The following NCAPD3 variants were observed in gnomAD, a reference collection of about 807,000 sequenced individuals.
The protein encoded by NCAPD3 is non-SMC condensin II complex subunit D3.
In NCAPD3, 105 loss-of-function variants were observed where a neutral mutation model predicts 182.9. The ratio of observed to expected loss-of-function variants is 0.57; its 90% CI spans 0.49 to 0.68. The LOEUF is 0.68. Among genes scored for constraint, NCAPD3 ranks in the 30% least tolerant of loss-of-function variants. The probability of loss-of-function intolerance (pLI) is 0.00; values close to 1 mark genes in which losing one functional copy is unlikely to be tolerated. For synonymous variants in NCAPD3, 815 were observed against 679.9 expected, an observed-to-expected ratio of 1.20 and a Z score of -3.09; for missense variants, 1,944 against 1,837.0, an observed-to-expected ratio of 1.06 and a Z score of -1.07.
chr11:134,164,136 G>T (rs920042067), intron 27 of NCAPD3, among the ~76,000 whole-genome samples: 1 of 152,154 alleles, frequency 6.6e-6, no homozygotes, highest in Admixed American at 6.5e-5. Context: ...TGGCAATCCA[G>T]GCTAGGAGGA....
chr11:134,204,079 A>G lies in NCAPD3; in HGVS notation c.1182T>C (p.Ile394=), dbSNP rs760766228. The G allele has an allele frequency of 6.2e-7, 1 of 1,614,216 alleles. No homozygotes were observed. The highest frequency in any genetic ancestry group is 8.5e-7 in the Non-Finnish European group (1 of 1,180,032). Residue 394 remains isoleucine (I), a synonymous_variant, in exon 10 of 35, where the codon ATT becomes ATC. Transcript: ENST00000534548. The surrounding 1 kb of genome is among the most constrained non-coding windows in gnomAD (Gnocchi z 4.3). ...KLPCGEYAMF[I]AWLYKYSRSS... ...TTCGGGAGTATTTGTAAAGCCAGGC[A>G]ATGAACATAGCGTATTCCCCACAAG...
intron 15 of NCAPD3, among the ~76,000 whole-genome samples, chr11:134,193,319 C>T (rs1944561686): frequency 6.6e-6 from 1 of 152,150 alleles, no homozygotes; most frequent in African/African-American, 2.4e-5. Flanking sequence ...AACTAGTAAA[C>T]AAAAGTAAAT....
Position 134,177,211 on chromosome 11 carries a change from C to T in NCAPD3, c.3021+8G>A, listed in dbSNP as rs1944189940. On this transcript the variant is annotated splice_region_variant and intron_variant, in intron 23 of 34. Transcript: ENST00000534548. Reference sequence around the variant, plus strand: ...AGGGGAAAGGACAGATTGAACCCCCCTACGCACCTGCAAGAGATTGGTAAG... The same window carrying T: ...AGGGGAAAGGACAGATTGAACCCCCTTACGCACCTGCAAGAGATTGGTAAG... 1.2e-6 allele frequency: 2 copies of T among 1,602,266 alleles called. No homozygotes were observed. Among genetic ancestry groups the T allele is most frequent in the African/African-American group, 2.7e-5 (2 of 74,596 alleles).
chr11:134,169,202 A>C (rs1411317418), intron 24 of NCAPD3, 148 bp from the exon 25 acceptor site: 16 of 717,806 alleles, frequency 2.2e-5, no homozygotes, highest in African/African-American at 1.5e-4. Context: ...CCTCGGATCC[A>C]AAGAAGACAG....
chr11:134,168,335 G>T, intron 26 of NCAPD3, 134 bp downstream of exon 26: 1 of 1,485,408 alleles, frequency 6.7e-7, no homozygotes, highest in Non-Finnish European at 9.3e-7. Flanking sequence ...CACAGCTGAT[G>T]CCAGAGAAGG....
At chr11:134,156,051 G>T (rs1466827832) in intron 32 of NCAPD3, among the ~76,000 whole-genome samples, 1 of 152,236 alleles carries the variant, frequency 6.6e-6, no homozygotes, top group East Asian at 1.9e-4. Context: ...ACACCTTGCT[G>T]CTCTGTTACC....
At chr11:134,163,853 C>T (rs552994725) in intron 27 of NCAPD3, among the ~76,000 whole-genome samples, 18 of 128,358 alleles carry the variant, frequency 1.4e-4, no homozygotes, top group South Asian at 7.2e-4. Flanking sequence ...GCCTGGGCGA[C>T]GCAGTGAGAT....
At chr11:134,159,799 A>T in intron 29 of NCAPD3, 93 bp downstream of exon 29, 17 of 1,350,998 alleles carry the variant, frequency 1.3e-5, no homozygotes, top group Non-Finnish European at 1.7e-5. Context: ...ACCTCTGATG[A>T]CGGAGATCTT....
At position 134,156,778 on chromosome 11, in the gene NCAPD3, C is replaced by T. The variant is rs138223301; in HGVS notation, c.4252+240G>A. 355 of 370,784 alleles carry T rather than the reference C, an allele frequency of 9.6e-4. 1 individual carries two copies. The highest frequency in any genetic ancestry group is 1.5e-3 in the Middle Eastern group (2 of 1,362). 23.0% of individuals were successfully genotyped at this position (370,784 alleles called of 1,614,324 possible). On this transcript the variant is annotated intron_variant, in intron 32 of 34. Transcript: ENST00000534548. ...TGTGCCTCAACGGCATTGTCTGCTC[C>T]GCGGGCCACTGTGGTGTTTGACTGA... is the stretch of plus-strand genomic sequence containing the variant.
At chr11:134,186,705 T>G (rs1353155429) in intron 16 of NCAPD3, among the ~76,000 whole-genome samples, 3 of 152,186 alleles carry the variant, frequency 2.0e-5, no homozygotes, top group African/African-American at 7.2e-5. Context: ...CATCAGGAAT[T>G]CCTCATTAAA....
At chr11:134,225,123 A>T, upstream of NCAPD3, 1 of 1,602,108 alleles carries the variant, frequency 6.2e-7, no homozygotes, top group Non-Finnish European at 8.5e-7. Context: ...CGGCGGTGCG[A>T]TGAGCTTCTT....
intron 13 of NCAPD3, among the ~76,000 whole-genome samples, chr11:134,196,381 C>T (rs1003432803): frequency 3.9e-5 from 6 of 152,204 alleles, no homozygotes; most frequent in South Asian, 2.1e-4. Context: ...CGGTGGCTCA[C>T]GCCTGTAATG....
chr11:134,153,727 C>T (rs866025526), intron 32 of NCAPD3: 16 of 313,186 alleles, frequency 5.1e-5, no homozygotes, highest in Middle Eastern at 1.0e-3. Flanking sequence ...CCTGAGGACA[C>T]TTCAACTCCT....
rs942313197 is a variant in NCAPD3 at position 134,152,868 on chromosome 11, G to A, written c.*76C>T. On this transcript the variant is annotated 3_prime_UTR_variant, in exon 35 of 35. Coordinates refer to ENST00000534548, the MANE Select transcript of NCAPD3 (RefSeq NM_015261.3). ...CCCAAGGACTGCGGGAAGTGATCCA[G>A]CTGCCTTCACACGGAGGACACGAGA... The A allele has an allele frequency of 8.3e-7, 1 of 1,204,850 alleles. No homozygotes were observed. The highest frequency in any genetic ancestry group is 1.5e-5 in the African/African-American group (1 of 65,468). The allele number at this position is 1,204,850 out of a possible 1,614,324, so 74.6% of individuals were successfully genotyped here. A position where few individuals can be genotyped will look rare whatever the true frequency, so the allele number is the denominator to read the frequency against.
chr11:134,189,768 TTTATCA>T (rs780447152), intron 16 of NCAPD3, among the ~76,000 whole-genome samples: 3 of 152,244 alleles, frequency 2.0e-5, no homozygotes, highest in Non-Finnish European at 4.4e-5. Flanking sequence ...GTATAATTCC[TTTATCA>T]TTATAAGTAA....
intron 27 of NCAPD3, among the ~76,000 whole-genome samples, chr11:134,163,700 CAAAA>C (rs57961196): frequency 1.5e-3 from 98 of 66,150 alleles, no homozygotes; most frequent in Middle Eastern, 0.011. Context: ...TACTGTGTCT[CAAAA>C]AAAAAAAAAA....
At chr11:134,166,861 G>A (rs1307145609) in intron 27 of NCAPD3, among the ~76,000 whole-genome samples, 2 of 114,034 alleles carry the variant, frequency 1.8e-5, no homozygotes, top group Middle Eastern at 6.9e-3. Context: ...ACTCATGAGA[G>A]GAGCTTAGGG....
Position 134,204,021 on chromosome 11 carries a change from G to A in NCAPD3, c.1215+25C>T, listed in dbSNP as rs746521993. The A allele has an allele frequency of 9.3e-6, 15 of 1,609,762 alleles. No individual in the cohort carries two copies. In the South Asian group the frequency reaches 1.6e-4, roughly 17 times the overall value. Reference sequence around the variant, plus strand: ...TAAAAAGAGTTTAAAAAGGACCCAAGGTTTTATGCAGAGCTATCTCCTACC... The same window carrying A: ...TAAAAAGAGTTTAAAAAGGACCCAAAGTTTTATGCAGAGCTATCTCCTACC... On this transcript the variant is annotated intron_variant, in intron 10 of 34. Transcript: ENST00000534548. This position sits in a 1 kb window ranked among gnomAD's most constrained non-coding sequence, Gnocchi z 4.3.
Position 134,150,693 on chromosome 11 carries a change from G to A in NCAPD3, c.*2251C>T, listed in dbSNP as rs766927744. On this transcript the variant is annotated 3_prime_UTR_variant, in exon 35 of 35. Transcript: ENST00000534548. The stretch of plus-strand genomic sequence containing the variant: ...TTTGTTAAGATTGTCTAAGGCCAAA[G>A]GCAATTGCGAAATCAAGTCTGTCAA... 12 of 151,948 alleles carry A rather than the reference G, an allele frequency of 7.9e-5. No homozygotes were observed. Among genetic ancestry groups the A allele is most frequent in the African/African-American group, 1.9e-4 (8 of 41,354 alleles). 9.4% of individuals were successfully genotyped at this position (151,948 alleles called of 1,614,324 possible).
Sources: allele counts gnomAD v4.1 joint callset (sites outside exome capture counted in the v4.1 genomes callset), GRCh38; gene constraint gnomAD v4.1.1; non-coding constraint Gnocchi (gnomAD v3.1); transcripts MANE v1.5; gene names NCBI Gene and HGNC (gene_info 2026-07-23, HGNC 2026-07-21).